DNAAF8: variants seen among roughly 807,000 people sequenced by gnomAD.
DNAAF8 encodes dynein axonemal-associated protein 1.
In DNAAF8, 61 loss-of-function variants were observed where a neutral mutation model predicts 54.6. The ratio of observed to expected loss-of-function variants is 1.12; its 90% CI spans 0.91 to 1.38. The LOEUF is 1.38. Among genes scored for constraint, DNAAF8 ranks in the 40% most tolerant of loss-of-function variants. The pLI, the probability that DNAAF8 is intolerant of heterozygous loss-of-function variation, is 0.00. For synonymous variants in DNAAF8, 320 were observed against 270.1 expected (o/e 1.18, Z -1.81); for missense variants, 837 against 665.0 (o/e 1.26, Z -2.85).
At chr16:4,738,997 C>G (rs1395763239) in intron 3 of DNAAF8, among the ~76,000 whole-genome samples, 1 of 152,126 alleles carries the variant, frequency 6.6e-6, no homozygotes, top group Non-Finnish European at 1.5e-5. Flanking sequence ...CTGCTGAGAA[C>G]AATTAACCTA....
intron 9 of DNAAF8, 72 bp downstream of exon 9, chr16:4,747,706 T>C (rs1376844242): frequency 4.1e-6 from 6 of 1,460,664 alleles, no homozygotes; most frequent in African/African-American, 1.4e-5. Flanking sequence ...GTCCCCTTGT[T>C]GTTCCTGCAT....
At chr16:4,746,673 C>G in intron 7 of DNAAF8, 161 bp downstream of exon 7, 1 of 1,069,680 alleles carries the variant, frequency 9.3e-7, no homozygotes, top group Non-Finnish European at 1.3e-6. Context: ...CCCCTGGGTC[C>G]CTGCAGGGAG....
intron 6 of DNAAF8, 197 bp from the exon 7 acceptor site, chr16:4,746,178 T>C (rs2082015216): frequency 7.4e-6 from 4 of 544,074 alleles, no homozygotes; most frequent in Non-Finnish European, 1.3e-5. Flanking sequence ...ATGAGGGACG[T>C]TCTGTTGGCC....
At chr16:4,742,569 A>G (rs1202748046) in intron 4 of DNAAF8, among the ~76,000 whole-genome samples, 1 of 151,846 alleles carries the variant, frequency 6.6e-6, no homozygotes, top group Non-Finnish European at 1.5e-5. Context: ...AAAAAAAAAA[A>G]AAATGAAGGG....
intron 1 of DNAAF8, among the ~76,000 whole-genome samples, chr16:4,735,483 C>G (rs1028801410): frequency 6.6e-6 from 1 of 152,100 alleles, no homozygotes; most frequent in Non-Finnish European, 1.5e-5. Flanking sequence ...AAAGCCACAG[C>G]GGCCTCTCGA....
chr16:4,736,375 G>C, intron 1 of DNAAF8, 89 bp from the exon 2 acceptor site: 1 of 1,012,050 alleles, frequency 9.9e-7, no homozygotes, highest in Non-Finnish European at 1.3e-6. Flanking sequence ...CTGCCAGCCT[G>C]TTTGGTCTCC....
intron 2 of DNAAF8, 57 bp downstream of exon 2, chr16:4,736,700 G>A (rs929186405): frequency 7.6e-6 from 11 of 1,443,006 alleles, no homozygotes; most frequent in East Asian, 7.5e-5. Flanking sequence ...CAGGCATGAC[G>A]CTGGCCAGGA....
At chr16:4,742,998 G>C in intron 4 of DNAAF8, 45 bp from the exon 5 acceptor site, 1 of 1,472,950 alleles carries the variant, frequency 6.8e-7, no homozygotes, top group Non-Finnish European at 9.5e-7. Context: ...TTGTGCCTCT[G>C]GGACCCCTCA....
At chr16:4,740,718 G>C (rs1422207134) in intron 4 of DNAAF8, 59 bp downstream of exon 4, 2 of 1,492,814 alleles carry the variant, frequency 1.3e-6, no homozygotes, top group Non-Finnish European at 1.8e-6. Context: ...CATGGCTGCT[G>C]TTCCCATGCA....
intron 4 of DNAAF8, among the ~76,000 whole-genome samples, chr16:4,740,981 C>T (rs2081954282): frequency 6.6e-6 from 1 of 151,534 alleles, no homozygotes; most frequent in Non-Finnish European, 1.5e-5. Flanking sequence ...CAAGACCATC[C>T]TGGTCAACAC....
intron 2 of DNAAF8, among the ~76,000 whole-genome samples, chr16:4,737,393 A>G (rs2081911340): frequency 6.6e-6 from 1 of 152,202 alleles, no homozygotes; most frequent in Admixed American, 6.5e-5. Context: ...CAACCCCTTC[A>G]AGAAGACAAA....
At chr16:4,737,709 G>C (rs958099640) in intron 2 of DNAAF8, 91 bp from the exon 3 acceptor site, 3 of 1,485,280 alleles carry the variant, frequency 2.0e-6, no homozygotes, top group Admixed American at 1.7e-5. Flanking sequence ...TGGGCTGGAA[G>C]TGAGAGTGGA....
Position 4,745,017 on chromosome 16 carries a change from A to C in DNAAF8, c.1043+6A>C. On this transcript the variant is annotated splice_donor_region_variant and intron_variant, in intron 6 of 9. Transcript: ENST00000299320. ...GAGGCAGATTCAGGAAGCAGGTGGG[A>C]CTTGTAGCCAGGCCCGGCTCCTGTG... The C allele has an allele frequency of 1.9e-6, 3 of 1,612,200 alleles. No homozygotes were observed. The highest frequency in any genetic ancestry group is 2.5e-6 in the Non-Finnish European group (3 of 1,178,578).
intron 8 of DNAAF8, 78 bp from the exon 9 acceptor site, chr16:4,747,265 T>G (rs1034850370): frequency 2.7e-6 from 4 of 1,473,324 alleles, no homozygotes; most frequent in Admixed American, 2.3e-5. Context: ...CTCATCTGCT[T>G]TTCTCCTGTT....
At position 4,746,436 on chromosome 16, in the gene DNAAF8, A is replaced by T; in HGVS notation, c.1105A>T (p.Arg369Trp). The T allele has an allele frequency of 6.2e-7, 1 of 1,613,600 alleles. No individual in the cohort carries two copies. The highest frequency in any genetic ancestry group is 1.3e-5 in the African/African-American group (1 of 75,050). Residue 369 changes from arginine to tryptophan, a missense_variant, in exon 7 of 10, where the codon AGG becomes TGG. Coordinates refer to ENST00000299320, the MANE Select transcript of DNAAF8 (RefSeq NM_139170.3). ...AGGCCCGCAGCTGGCCCAGGGCATGAGGCTTAACGCAGAGTCCCCCACCAT... is the reference window on the plus strand; with the variant it reads ...AGGCCCGCAGCTGGCCCAGGGCATGTGGCTTAACGCAGAGTCCCCCACCAT... Reference protein sequence around the residue: ...GPGPQLAQGMRLNAESPTIFI... With the variant: ...GPGPQLAQGMWLNAESPTIFI...
chr16:4,749,365 GTGA>G lies in DNAAF8; in HGVS notation c.*653_*655del, dbSNP rs1344893257. 6.5e-6 allele frequency: 1 copy of G among 154,460 alleles called. No individual in the cohort carries two copies. Among genetic ancestry groups the G allele is most frequent in the African/African-American group, 2.4e-5 (1 of 41,542 alleles). 9.6% of individuals were successfully genotyped at this position (154,460 alleles called of 1,614,324 possible). ...GTAACCTCACTGAGAATGTTTTACA[GTGA>G]TGGAAAATAAACTCTGTTCCAAGTT... On this transcript the variant is annotated 3_prime_UTR_variant, in exon 10 of 10. Coordinates refer to ENST00000299320, the MANE Select transcript of DNAAF8 (RefSeq NM_139170.3).
Position 4,740,223 on chromosome 16 carries a change from C to T in DNAAF8, c.347C>T (p.Ser116Phe), listed in dbSNP as rs1352518661. Residue 116 changes from serine to phenylalanine, a missense_variant, in exon 4 of 10, where the codon TCC becomes TTC. Coordinates refer to ENST00000299320, the MANE Select transcript of DNAAF8 (RefSeq NM_139170.3). Reference sequence around the variant, plus strand: ...CAGAACACAAGGACAAAGGATGCATCCTCTCAGGAAGGAAGAGACCCTGGC... The same window carrying T: ...CAGAACACAAGGACAAAGGATGCATTCTCTCAGGAAGGAAGAGACCCTGGC... ...CRQNTRTKDA[S>F]SQEGRDPGRP... The T allele has an allele frequency of 2.5e-6, 4 of 1,613,888 alleles. No homozygotes were observed. In the South Asian group the frequency reaches 4.4e-5, roughly 18 times the overall value.
chr16:4,740,393 ACT>A lies in DNAAF8; in HGVS notation c.523_524del (p.Ser175LeufsTer3). 1.2e-6 allele frequency: 2 copies of A among 1,613,586 alleles called. No homozygotes were observed. The highest frequency in any genetic ancestry group is 1.7e-6 in the Non-Finnish European group (2 of 1,179,920). On this transcript the variant is annotated frameshift_variant, in exon 4 of 10. Coordinates refer to ENST00000299320, the MANE Select transcript of DNAAF8 (RefSeq NM_139170.3). LOFTEE classifies it high-confidence loss of function. ...TCCCTGGGACCCACAGGCCGAAGCC[ACT>A]CTCTCCTGCCATGAAGGAGACCCAA... Reference protein sequence around the residue: ...GPPWDPQAEATLSCHEGDPKA... With the variant: ...GPPWDPQAEAXLSCHEGDPKA...
chr16:4,745,593 G>A (rs1335212861), intron 6 of DNAAF8, among the ~76,000 whole-genome samples: 1 of 152,202 alleles, frequency 6.6e-6, no homozygotes, highest in Non-Finnish European at 1.5e-5. Flanking sequence ...GAGAACCAGT[G>A]AATCCCTTTT....
Sources: gnomAD v4.1 joint callset for allele counts (sites outside exome capture counted in the v4.1 genomes callset) on GRCh38, gnomAD v4.1.1 for gene constraint, MANE v1.5 for transcripts, NCBI Gene and HGNC (gene_info 2026-07-23, HGNC 2026-07-21) for gene names.